Variants in HDAC1 observed in about 807,000 individuals in gnomAD.
The protein encoded by HDAC1 is histone deacetylase 1.
Under a neutral mutation model 65.5 loss-of-function variants are expected in HDAC1, and 18 were observed. The observed-to-expected ratio is 0.27, with a 90% confidence interval of 0.19 to 0.41. The LOEUF (loss-of-function observed/expected upper bound fraction) is 0.41, where lower values mean the gene tolerates loss of function less well. HDAC1 is among the 10% of genes least tolerant of loss of function. The probability of loss-of-function intolerance (pLI) is 1.00; values close to 1 mark genes in which losing one functional copy is unlikely to be tolerated. For synonymous variants in HDAC1, 211 were observed against 227.9 expected (o/e 0.93, Z 0.67); for missense variants, 373 against 625.2 (o/e 0.60, Z 4.30).
intron 3 of HDAC1, among the ~76,000 whole-genome samples, chr1:32,321,271 T>C (rs138691090): frequency 1.0e-3 from 158 of 151,940 alleles, no homozygotes; most frequent in African/African-American, 3.6e-3. Context: ...TGAACATCCA[T>C]GTGTGCCCAA....
At position 32,327,226 on chromosome 1, in the gene HDAC1, T is replaced by A; in HGVS notation, c.494+149T>A. 1.3e-6 allele frequency: 1 copy of A among 743,080 alleles called. No individual in the cohort carries two copies. Among genetic ancestry groups the A allele is most frequent in the Non-Finnish European group, 2.2e-6 (1 of 450,474 alleles). 46.0% of individuals were successfully genotyped at this position (743,080 alleles called of 1,614,324 possible). On this transcript the variant is annotated intron_variant, in intron 5 of 13. Transcript: ENST00000373548. The surrounding 1 kb of genome is among the most constrained non-coding windows in gnomAD (Gnocchi z 6.0). ...TGAGTGTCTCTGGCCATCATCTCCT[T>A]GATGGGGTCTTGGTTTGATCTGAGC...
chr1:32,323,439 C>G (rs1002363256), intron 3 of HDAC1, among the ~76,000 whole-genome samples: 1 of 152,058 alleles, frequency 6.6e-6, no homozygotes, highest in Non-Finnish European at 1.5e-5. Context: ...CTTGTCTCGC[C>G]CAGGCTGGAG....
chr1:32,306,002 C>T lies in HDAC1; in HGVS notation c.162+3269C>T, dbSNP rs749425279. Among the ~76,000 whole-genome samples, 3 of 152,176 alleles carry T rather than the reference C, an allele frequency of 2.0e-5. No homozygotes were observed. The South Asian group carries it at 6.2e-4, about 32-fold the overall frequency. On this transcript the variant is annotated intron_variant, in intron 2 of 13. Coordinates refer to ENST00000373548, the MANE Select transcript of HDAC1 (RefSeq NM_004964.3). ...TTTGTGCCAGGCAATATGTGTGTGTCTGGTTTTGGGCTCTCTGTTCGGTTG... is the reference window on the plus strand; with the variant it reads ...TTTGTGCCAGGCAATATGTGTGTGTTTGGTTTTGGGCTCTCTGTTCGGTTG...
At chr1:32,316,805 C>T (rs753690665) in intron 3 of HDAC1, 23 bp downstream of exon 3, 7 of 1,440,046 alleles carry the variant, frequency 4.9e-6, no homozygotes, top group Non-Finnish European at 5.9e-6. Flanking sequence ...TGTTCCCTCA[C>T]ACTCTGAAGC....
Position 32,330,678 on chromosome 1 carries a change from C to G in HDAC1, c.830C>G (p.Thr277Ser). The change falls in exon 8 of 14, where the codon ACT (threonine) becomes AGT (serine). Residue 277 changes from threonine (T) to serine (S), a missense_variant. Coordinates refer to ENST00000373548, the MANE Select transcript of HDAC1 (RefSeq NM_004964.3). The surrounding 1 kb of genome is among the most constrained non-coding windows in gnomAD (Gnocchi z 4.2). ...SGDRLGCFNL[T>S]IKGHAKCVEF... ...GATCGGTTAGGTTGCTTCAATCTAA[C>G]TATCAAAGGTGAGACCAGGTAGCAC... 6.2e-7 allele frequency: 1 copy of G among 1,613,812 alleles called. No individual in the cohort carries two copies. Among genetic ancestry groups the G allele is most frequent in the South Asian group, 1.1e-5 (1 of 91,072 alleles).
At position 32,330,871 on chromosome 1, in the gene HDAC1, T is replaced by C. The variant is rs770299349; in HGVS notation, c.942T>C (p.Tyr314=). 3 of 1,614,146 alleles carry C rather than the reference T, an allele frequency of 1.9e-6. No homozygotes were observed. Among genetic ancestry groups the C allele is most frequent in the East Asian group, 2.2e-5 (1 of 44,892 alleles). The change falls in exon 9 of 14, where the codon TAT becomes TAC. Residue 314 remains tyrosine, a synonymous_variant. Transcript: ENST00000373548. The surrounding 1 kb of genome is among the most constrained non-coding windows in gnomAD (Gnocchi z 4.2). ...GTAACGTTGCCCGGTGCTGGACATA[T>C]GAGACAGCTGTGGCCCTGGATACGG... ...TIRNVARCWT[Y]ETAVALDTEI... is the part of the protein sequence containing the mutation.
At position 32,323,639 on chromosome 1, in the gene HDAC1, C is replaced by G. The variant is rs568739775; in HGVS notation, c.281-840C>G. Among the ~76,000 whole-genome samples, 104 of 152,188 alleles carry G rather than the reference C, an allele frequency of 6.8e-4. 2 individuals carry two copies. The South Asian group carries it at 0.021, about 30-fold the overall frequency. ...TCTTGAACTCCTGGCCTCAAGTGGT[C>G]CTCCTGCCTTAGCCTCCCGAAGTGC... On this transcript the variant is annotated intron_variant, in intron 3 of 13. Coordinates refer to ENST00000373548, the MANE Select transcript of HDAC1 (RefSeq NM_004964.3).
chr1:32,333,329 A>C lies in HDAC1; in HGVS notation c.*285A>C. On this transcript the variant is annotated 3_prime_UTR_variant, in exon 14 of 14. Transcript: ENST00000373548. ...ATGCAACCATAAGACAAACTCCTGA[A>C]ATGCCAAGTGCCTGCTTAGTAGCTT... 3.7e-6 allele frequency: 1 copy of C among 267,070 alleles called. No homozygotes were observed. The allele number at this position is 267,070 out of a possible 1,614,324, so 16.5% of individuals were successfully genotyped here. A position where few individuals can be genotyped will look rare whatever the true frequency, so the allele number is the denominator to read the frequency against.
intron 1 of HDAC1, among the ~76,000 whole-genome samples, chr1:32,294,081 A>C (rs983639513): frequency 2.6e-5 from 4 of 151,364 alleles, no homozygotes; most frequent in Non-Finnish European, 5.9e-5. Flanking sequence ...AAAAAAAAAA[A>C]CAAAAAAATT....
At chr1:32,322,681 T>C (rs1641163631) in intron 3 of HDAC1, among the ~76,000 whole-genome samples, 1 of 152,222 alleles carries the variant, frequency 6.6e-6, no homozygotes, top group Non-Finnish European at 1.5e-5. Context: ...TTTGCCTTAT[T>C]GTTTGCATAT....
intron 1 of HDAC1, among the ~76,000 whole-genome samples, chr1:32,302,152 C>T (rs1027630486): frequency 1.3e-5 from 2 of 152,098 alleles, no homozygotes; most frequent in Non-Finnish European, 1.5e-5. Flanking sequence ...AATAATACCC[C>T]CTGTCCTACC....
At position 32,329,407 on chromosome 1, in the gene HDAC1, G is replaced by A. The variant is rs542762575; in HGVS notation, c.729+247G>A. Reference sequence around the variant, plus strand: ...TCTAAGACATGATCTTTGCCCTCACGGACTATGGTGGGGAAGGCAGGCACA... The same window carrying A: ...TCTAAGACATGATCTTTGCCCTCACAGACTATGGTGGGGAAGGCAGGCACA... On this transcript the variant is annotated intron_variant, in intron 7 of 13. Coordinates refer to ENST00000373548, the MANE Select transcript of HDAC1 (RefSeq NM_004964.3). This position sits in a 1 kb window ranked among gnomAD's most constrained non-coding sequence, Gnocchi z 4.1. 47 of 579,990 alleles carry A rather than the reference G, an allele frequency of 8.1e-5. No individual in the cohort carries two copies. Among genetic ancestry groups the A allele is most frequent in the South Asian group, 7.7e-4 (38 of 49,034 alleles). 35.9% of individuals were successfully genotyped at this position (579,990 alleles called of 1,614,324 possible). A position where few individuals can be genotyped will look rare whatever the true frequency, so the allele number is the denominator to read the frequency against.
chr1:32,304,726 C>T (rs112138831), intron 2 of HDAC1, among the ~76,000 whole-genome samples: 6,979 of 152,140 alleles, frequency 0.046, 514 homozygotes, highest in African/African-American at 0.16. Flanking sequence ...TAAGCCACCA[C>T]GCCTGGCTAA....
At chr1:32,309,452 C>T (rs1199489033) in intron 2 of HDAC1, among the ~76,000 whole-genome samples, 3 of 151,914 alleles carry the variant, frequency 2.0e-5, no homozygotes, top group Non-Finnish European at 4.4e-5. Context: ...TTTGGGAGGC[C>T]GAGGCAGGCG....
At chr1:32,292,740 G>A (rs958720375) in intron 1 of HDAC1, among the ~76,000 whole-genome samples, 2 of 151,982 alleles carry the variant, frequency 1.3e-5, no homozygotes. Flanking sequence ...TGTTAAAACA[G>A]ACTTCTCACT....
At chr1:32,326,769 A>G (rs939538015) in intron 4 of HDAC1, among the ~76,000 whole-genome samples, 170 bp from the exon 5 acceptor site, 5 of 144,804 alleles carry the variant, frequency 3.5e-5, no homozygotes, top group African/African-American at 1.3e-4. Context: ...AGTAGACAGT[A>G]TCATGTATTC....
chr1:32,325,550 A>G (rs762259170), intron 4 of HDAC1, among the ~76,000 whole-genome samples: 1 of 152,216 alleles, frequency 6.6e-6, no homozygotes, highest in Admixed American at 6.5e-5. Context: ...AGTGGGTTAT[A>G]TACATATCAC....
At chr1:32,328,692 G>A (rs1641251666) in intron 6 of HDAC1, among the ~76,000 whole-genome samples, 1 of 152,190 alleles carries the variant, frequency 6.6e-6, no homozygotes, top group Non-Finnish European at 1.5e-5. Context: ...GGGAAGAGGA[G>A]TGAGCATTAG....
At chr1:32,311,685 T>G (rs907348632) in intron 2 of HDAC1, among the ~76,000 whole-genome samples, 6 of 152,152 alleles carry the variant, frequency 3.9e-5, no homozygotes, top group African/African-American at 1.4e-4. Context: ...CCTGAGTGGA[T>G]GTTGGTATCA....
Sources: allele counts gnomAD v4.1 joint callset (sites outside exome capture counted in the v4.1 genomes callset), GRCh38; gene constraint gnomAD v4.1.1; non-coding constraint Gnocchi (gnomAD v3.1); transcripts MANE v1.5; gene names NCBI Gene and HGNC (gene_info 2026-07-23, HGNC 2026-07-21).